The following FGF12 variants were observed in gnomAD, a reference collection of about 807,000 sequenced individuals.
FGF12 encodes fibroblast growth factor 12, also known as fibroblast growth factor 12B.
FGF12 carries 14 observed loss-of-function variants against 23.6 expected under a neutral mutation model. That is an observed-to-expected ratio of 0.59 (90% CI 0.39 to 0.93). FGF12 has a LOEUF of 0.93. FGF12 is among the 40% of genes least tolerant of loss of function. The pLI is 0.00. For missense variants in FGF12, 175 were observed against 217.8 expected (o/e 0.80, Z 1.24); for synonymous variants, 62 against 77.3 (o/e 0.80, Z 1.04).
At chr3:192,164,773 A>G (rs1251396852) in intron 5 of FGF12, among the ~76,000 whole-genome samples, 2 of 152,200 alleles carry the variant, frequency 1.3e-5, no homozygotes, top group Admixed American at 6.5e-5. Context: ...TTACAGGGTT[A>G]CAAAGATGCC....
At chr3:192,155,763 C>T (rs978118129) in intron 5 of FGF12, among the ~76,000 whole-genome samples, 5 of 152,162 alleles carry the variant, frequency 3.3e-5, no homozygotes, top group African/African-American at 1.2e-4. Flanking sequence ...TTAGGGGAAA[C>T]CTTTAGCAAG....
chr3:192,554,057 G>A (rs1048987452), intron 2 of FGF12, among the ~76,000 whole-genome samples: 1 of 152,078 alleles, frequency 6.6e-6, no homozygotes, highest in African/African-American at 2.4e-5. Context: ...TCAAGGGACT[G>A]CCCGAAGGAC....
chr3:192,475,227 G>A (rs1346494568), intron 2 of FGF12, among the ~76,000 whole-genome samples: 4 of 152,202 alleles, frequency 2.6e-5, no homozygotes, highest in Non-Finnish European at 5.9e-5. Context: ...GAATGATGAT[G>A]CTCTTGAAAG....
chr3:192,686,226 G>A (rs527456153), intron 2 of FGF12, among the ~76,000 whole-genome samples: 2 of 152,308 alleles, frequency 1.3e-5, no homozygotes, highest in African/African-American at 4.8e-5. Flanking sequence ...ACAGCATCTA[G>A]GGGAAACCTT....
chr3:192,721,682 C>A (rs1045631645), intron 2 of FGF12, among the ~76,000 whole-genome samples: 2 of 152,100 alleles, frequency 1.3e-5, no homozygotes, highest in Non-Finnish European at 2.9e-5. Context: ...TGGCCTCCCC[C>A]AGACCTATTA....
chr3:192,160,178 T>C (rs1434295352), intron 5 of FGF12, among the ~76,000 whole-genome samples: 1 of 152,168 alleles, frequency 6.6e-6, no homozygotes, highest in Non-Finnish European at 1.5e-5. Flanking sequence ...TAATACTATC[T>C]TGCTTAAGAT....
At chr3:192,397,523 A>G (rs1257811703) in intron 2 of FGF12, among the ~76,000 whole-genome samples, 1 of 152,198 alleles carries the variant, frequency 6.6e-6, no homozygotes, top group East Asian at 1.9e-4. Context: ...TATCCTTTGA[A>G]GCAACAAAGC....
In FGF12 at chr3:192,496,181, C is replaced by T. The variant is rs377429682; in HGVS notation, c.14-135643G>A. 3.9e-4 allele frequency among the ~76,000 whole-genome samples: 60 copies of T among 152,184 alleles called. 1 individual carries two copies. The highest frequency in any genetic ancestry group is 9.9e-4 in the African/African-American group (41 of 41,534). ...GAAGCAAGATGAAACATTTATAAAA[C>T]GTCTAACTTTCCACCCCAAGCTAAT... On this transcript the variant is annotated intron_variant, in intron 2 of 5. Coordinates refer to ENST00000445105, the MANE Select transcript of FGF12 (RefSeq NM_004113.6).
chr3:192,591,881 C>G (rs772143185), intron 2 of FGF12, among the ~76,000 whole-genome samples: 1 of 151,666 alleles, frequency 6.6e-6, no homozygotes, highest in Non-Finnish European at 1.5e-5. Flanking sequence ...CTAGATTATT[C>G]CTACCACAAA....
intron 4 of FGF12, among the ~76,000 whole-genome samples, chr3:192,235,877 G>C (rs925798173): frequency 5.3e-5 from 8 of 151,846 alleles, no homozygotes; most frequent in African/African-American, 1.9e-4. Flanking sequence ...CTCTGATTTT[G>C]GATATTTCTT....
chr3:192,561,573 A>G (rs986658391), intron 2 of FGF12, among the ~76,000 whole-genome samples: 31 of 152,236 alleles, frequency 2.0e-4, no homozygotes, highest in Non-Finnish European at 3.5e-4. Flanking sequence ...CGTGTTAGCC[A>G]GGATAGTCTC....
intron 2 of FGF12, among the ~76,000 whole-genome samples, chr3:192,406,822 TG>T (rs1431015132): frequency 6.6e-6 from 1 of 152,184 alleles, no homozygotes. Context: ...ACTTCCCAAG[TG>T]TCGCCCTTCA....
rs546705981 is a variant in FGF12 at position 192,280,080 on chromosome 3, C to T, written c.228+55281G>A. Among the ~76,000 whole-genome samples the T allele has an allele frequency of 2.0e-5, 3 of 152,138 alleles. No individual in the cohort carries two copies. In the South Asian group the frequency reaches 6.2e-4, roughly 32 times the overall value. ...ATGTCAACTGGATGAAAATAAAAGA[C>T]AGTTTCAAAGATCAAAGAAGCCTAA... On this transcript the variant is annotated intron_variant, in intron 4 of 5. Coordinates refer to ENST00000445105, the MANE Select transcript of FGF12 (RefSeq NM_004113.6).
At chr3:192,301,879 C>T (rs58930990) in intron 4 of FGF12, among the ~76,000 whole-genome samples, 1,566 of 152,198 alleles carry the variant, frequency 0.01, 23 homozygotes, top group East Asian at 0.043. Flanking sequence ...GGCAAACTTT[C>T]GCCATCTAAT....
intron 2 of FGF12, among the ~76,000 whole-genome samples, chr3:192,631,038 T>C (rs2108656307): frequency 6.6e-6 from 1 of 152,278 alleles, no homozygotes; most frequent in African/African-American, 2.4e-5. Flanking sequence ...TCCGGTTCCA[T>C]ATTCTGGAGT....
chr3:192,445,582 T>C (rs1722330725), intron 2 of FGF12, among the ~76,000 whole-genome samples: 1 of 152,132 alleles, frequency 6.6e-6, no homozygotes, highest in African/African-American at 2.4e-5. Flanking sequence ...TTACTCCACC[T>C]TCCTATTTTA....
At chr3:192,337,545 G>A (rs1717480294) in intron 3 of FGF12, among the ~76,000 whole-genome samples, 1 of 152,152 alleles carries the variant, frequency 6.6e-6, no homozygotes, top group South Asian at 2.1e-4. Flanking sequence ...CAAGACGTGT[G>A]ACATATGAAA....
intron 3 of FGF12, among the ~76,000 whole-genome samples, chr3:192,350,876 G>T (rs1469503672): frequency 6.6e-6 from 1 of 152,200 alleles, no homozygotes; most frequent in Non-Finnish European, 1.5e-5. Context: ...CACTCTGGCT[G>T]CTGTGTGGAA....
intron 2 of FGF12, among the ~76,000 whole-genome samples, chr3:192,629,165 A>G (rs1335726373): frequency 1.3e-5 from 2 of 152,244 alleles, no homozygotes; most frequent in African/African-American, 4.8e-5. Flanking sequence ...ACAAAGAATT[A>G]ATTTGCTTAA....
Sources: gnomAD v4.1 joint callset for allele counts (sites outside exome capture counted in the v4.1 genomes callset) on GRCh38, gnomAD v4.1.1 for gene constraint, MANE v1.5 for transcripts, NCBI Gene and HGNC (gene_info 2026-07-23, HGNC 2026-07-21) for gene names.